Variants in SHTN1 observed in about 807,000 individuals in gnomAD.
SHTN1 encodes the protein shootin-1.
Under a neutral mutation model 83.1 loss-of-function variants are expected in SHTN1, and 42 were observed. That is an observed-to-expected ratio of 0.51 (90% CI 0.39 to 0.65). SHTN1 has a LOEUF of 0.65. SHTN1 is among the 30% of genes least tolerant of loss of function. SHTN1 has a pLI of 0.00. For missense variants in SHTN1, 622 were observed against 737.8 expected, an observed-to-expected ratio of 0.84 and a Z score of 1.82; for synonymous variants, 224 against 247.7, an observed-to-expected ratio of 0.90 and a Z score of 0.90.
chr10:116,884,526 A>G lies in SHTN1; in HGVS notation c.*1818T>C, dbSNP rs1847108877. 1 of 325,728 alleles carries G rather than the reference A, an allele frequency of 3.1e-6. No homozygotes were observed. Among genetic ancestry groups the G allele is most frequent in the Non-Finnish European group, 6.1e-6 (1 of 163,660 alleles). 20.2% of individuals were successfully genotyped at this position (325,728 alleles called of 1,614,324 possible). On this transcript the variant is annotated 3_prime_UTR_variant, in exon 17 of 17. Transcript: ENST00000355371. The stretch of plus-strand genomic sequence containing the variant: ...ACTCTAGAAAGGAGGGTATTTTGAT[A>G]ACCATATTATTCTGTGATGGTGTGA...
At chr10:116,951,660 G>A (rs1266583677) in intron 6 of SHTN1, among the ~76,000 whole-genome samples, 1 of 152,150 alleles carries the variant, frequency 6.6e-6, no homozygotes, top group African/African-American at 2.4e-5. Context: ...GCAAAAACTG[G>A]GGGAACAACA....
chr10:117,099,336 T>A (rs1295561577), intron 1 of SHTN1, among the ~76,000 whole-genome samples: 3 of 151,598 alleles, frequency 2.0e-5, no homozygotes, highest in Non-Finnish European at 4.4e-5. Context: ...ACTAAAGAAC[T>A]CATCTATATA....
intron 1 of SHTN1, among the ~76,000 whole-genome samples, chr10:117,074,961 C>G (rs758866758): frequency 6.6e-6 from 1 of 151,590 alleles, no homozygotes; most frequent in Non-Finnish European, 1.5e-5. Context: ...TCAGGACATT[C>G]AGGGAATTTA....
chr10:116,941,963 T>G (rs1849386688), intron 8 of SHTN1, among the ~76,000 whole-genome samples: 1 of 152,168 alleles, frequency 6.6e-6, no homozygotes, highest in African/African-American at 2.4e-5. Context: ...TAAAACACAT[T>G]ACAAAGTCAA....
chr10:117,028,145 G>A (rs1474576080), intron 2 of SHTN1, among the ~76,000 whole-genome samples: 4 of 152,098 alleles, frequency 2.6e-5, no homozygotes, highest in Admixed American at 6.6e-5. Context: ...TTGTGTCCCC[G>A]CCCTATGGAT....
intron 2 of SHTN1, among the ~76,000 whole-genome samples, chr10:117,014,084 T>C (rs1176856204): frequency 6.6e-6 from 1 of 152,078 alleles, no homozygotes. Flanking sequence ...TATGACATCA[T>C]GAAAAGGCAA....
intron 3 of SHTN1, 112 bp from the exon 4 acceptor site, chr10:116,960,342 CT>C: frequency 1.7e-6 from 1 of 600,536 alleles, no homozygotes. Context: ...CTAGCCAGAC[CT>C]TTAGCTATCA....
At chr10:117,124,092 T>C (rs1271927245) in intron 1 of SHTN1, among the ~76,000 whole-genome samples, 2 of 151,264 alleles carry the variant, frequency 1.3e-5, no homozygotes, top group African/African-American at 2.4e-5. Context: ...ATGCCTGCAG[T>C]CCCAGCTACT....
At chr10:117,076,182 C>CAAAAA (rs10595400) in intron 1 of SHTN1, among the ~76,000 whole-genome samples, 2 of 99,446 alleles carry the variant, frequency 2.0e-5, no homozygotes, top group Non-Finnish European at 4.3e-5. Context: ...GACCCTGTCT[C>CAAAAA]AAAAAAAAAA....
At chr10:116,983,633 CAGATAGATAGATAGAT>C (rs145452456) in intron 1 of SHTN1, among the ~76,000 whole-genome samples, 126 of 142,624 alleles carry the variant, frequency 8.8e-4, no homozygotes, top group African/African-American at 3.1e-3. Flanking sequence ...CCTGGGCATC[CAGATAGATAGATAGAT>C]AGATAGATAG....
intron 1 of SHTN1, among the ~76,000 whole-genome samples, chr10:117,060,220 C>G (rs1392033788): frequency 6.6e-6 from 1 of 151,946 alleles, no homozygotes; most frequent in Admixed American, 6.6e-5. Context: ...AAGACCCTAT[C>G]TCTAAAAATA....
At chr10:116,975,760 C>T (rs1044898800) in intron 2 of SHTN1, among the ~76,000 whole-genome samples, 3 of 152,088 alleles carry the variant, frequency 2.0e-5, no homozygotes, top group Non-Finnish European at 4.4e-5. Context: ...AAATTTCCTG[C>T]TTTTATCCTT....
rs565141297 is a variant in SHTN1, at chr10:116,912,811, A to C, written c.1306-968T>G. Among the ~76,000 whole-genome samples, 10 of 152,284 alleles carry C rather than the reference A, an allele frequency of 6.6e-5. No homozygotes were observed. The South Asian group carries it at 1.9e-3, about 29-fold the overall frequency. ...TTATTCCTGGAAAAGAGGTAAGGTT[A>C]TATTCTCTCTCATCAAAAAAATGAG... On this transcript the variant is annotated intron_variant, in intron 13 of 16. Coordinates refer to ENST00000355371, the MANE Select transcript of SHTN1 (RefSeq NM_001127211.3).
At chr10:117,038,535 C>T (rs1852535762) in intron 2 of SHTN1, among the ~76,000 whole-genome samples, 1 of 151,886 alleles carries the variant, frequency 6.6e-6, no homozygotes, top group South Asian at 2.1e-4. Context: ...TTTGTGAAAA[C>T]CTCTGTCAAG....
At chr10:116,902,216 A>C (rs1236566752) in intron 15 of SHTN1, among the ~76,000 whole-genome samples, 1 of 152,212 alleles carries the variant, frequency 6.6e-6, no homozygotes, top group Non-Finnish European at 1.5e-5. Context: ...CAATTCCCTC[A>C]CTGACCAGGG....
chr10:117,110,375 C>G (rs57787663), intron 1 of SHTN1, among the ~76,000 whole-genome samples: 9 of 151,958 alleles, frequency 5.9e-5, no homozygotes, highest in Admixed American at 5.9e-4. Context: ...TTTGTTGAGA[C>G]GGAGTCTCGC....
intron 1 of SHTN1, among the ~76,000 whole-genome samples, chr10:117,104,251 TA>T (rs1018379911): frequency 2.0e-5 from 3 of 152,102 alleles, no homozygotes; most frequent in African/African-American, 7.2e-5. Context: ...ATCTCTCTCA[TA>T]AAATCTTCCC....
At chr10:116,991,872 T>C (rs1425458293) in intron 1 of SHTN1, among the ~76,000 whole-genome samples, 2 of 152,202 alleles carry the variant, frequency 1.3e-5, no homozygotes, top group Non-Finnish European at 2.9e-5. Context: ...CCGGGCACTA[T>C]GGCTCACGTC....
intron 1 of SHTN1, among the ~76,000 whole-genome samples, chr10:117,062,714 T>A (rs920879887): frequency 6.6e-6 from 1 of 152,218 alleles, no homozygotes; most frequent in Non-Finnish European, 1.5e-5. Context: ...GATTCTTTTG[T>A]ATAACTCATA....
Sources: allele counts gnomAD v4.1 joint callset (sites outside exome capture counted in the v4.1 genomes callset), GRCh38; gene constraint gnomAD v4.1.1; transcripts MANE v1.5; gene names NCBI Gene and HGNC (gene_info 2026-07-23, HGNC 2026-07-21).